Variants in COL4A1 observed in about 807,000 individuals in gnomAD.
COL4A1 encodes collagen type IV alpha 1 chain, also known as collagen alpha-1(IV) chain.
A neutral mutation model predicts 216.6 loss-of-function variants in COL4A1; 40 were observed. The observed-to-expected ratio is 0.18, with a 90% confidence interval of 0.14 to 0.24. The LOEUF (loss-of-function observed/expected upper bound fraction) is 0.24. COL4A1 is among the 10% of genes least tolerant of loss of function. The pLI is 1.00. For synonymous variants in COL4A1, 839 were observed against 810.7 expected (o/e 1.03, Z -0.59); for missense variants, 1,628 against 2,196.8 (o/e 0.74, Z 5.18).
intron 1 of COL4A1, among the ~76,000 whole-genome samples, chr13:110,264,016 C>T (rs1014159178): frequency 9.2e-5 from 14 of 152,198 alleles, no homozygotes; most frequent in East Asian, 5.8e-4. Flanking sequence ...CCTCATCCCT[C>T]GCACTGCTTG....
chr13:110,239,065 T>C (rs1881445949), intron 2 of COL4A1, among the ~76,000 whole-genome samples: 1 of 152,062 alleles, frequency 6.6e-6, no homozygotes, highest in African/African-American at 2.4e-5. Context: ...TGAGTGGCCT[T>C]CCAAGCAAGT....
At chr13:110,187,681 A>G (rs644582) in intron 24 of COL4A1, among the ~76,000 whole-genome samples, 102,379 of 151,974 alleles carry the variant, frequency 0.67, 34,579 homozygotes, top group Admixed American at 0.71. Context: ...CACCTGTCAG[A>G]AGGTTCTGAT....
At chr13:110,293,796 G>T (rs1045505853) in intron 1 of COL4A1, among the ~76,000 whole-genome samples, 1 of 152,134 alleles carries the variant, frequency 6.6e-6, no homozygotes, top group African/African-American at 2.4e-5. Context: ...TATTAACAGC[G>T]TGTCACTGTT....
chr13:110,170,808 T>C lies in COL4A1; in HGVS notation c.3557-76A>G, dbSNP rs1566347362. 4.6e-6 allele frequency: 7 copies of C among 1,521,824 alleles called. No individual in the cohort carries two copies. The Admixed American group carries it at 5.1e-5, about 11-fold the overall frequency. 94.3% of individuals were successfully genotyped at this position (1,521,824 alleles called of 1,614,324 possible). A position where few individuals can be genotyped will look rare whatever the true frequency, so the allele number is the denominator to read the frequency against. The stretch of plus-strand genomic sequence containing the variant: ...TAATCTCCAGCGTGGACGGCAGAGA[T>C]GGGATGAGGCGTGCCTCATCCTGTA... On this transcript the variant is annotated intron_variant, in intron 41 of 51. Coordinates refer to ENST00000375820, the MANE Select transcript of COL4A1 (RefSeq NM_001845.6).
chr13:110,166,731 G>A (rs770714060), intron 44 of COL4A1, among the ~76,000 whole-genome samples: 4 of 152,230 alleles, frequency 2.6e-5, no homozygotes, highest in Middle Eastern at 3.4e-3. Context: ...TTTTGGTCCC[G>A]ATCTGATTCA....
chr13:110,164,312 C>T (rs1401378935), intron 46 of COL4A1, among the ~76,000 whole-genome samples: 1 of 152,170 alleles, frequency 6.6e-6, no homozygotes, highest in Non-Finnish European at 1.5e-5. Flanking sequence ...TCTTAAGTAT[C>T]ATTAAATTTT....
At chr13:110,209,683 T>A in intron 10 of COL4A1, 1 of 647,604 alleles carries the variant, frequency 1.5e-6, no homozygotes. Flanking sequence ...ATCTTTGAAC[T>A]CACTCCCACA....
chr13:110,159,935 T>A (rs377240110), intron 49 of COL4A1, among the ~76,000 whole-genome samples: 1 of 149,218 alleles, frequency 6.7e-6, no homozygotes, highest in Non-Finnish European at 1.5e-5. Flanking sequence ...GAATGGGGGG[T>A]CACCAGAGGC....
At chr13:110,231,602 C>T (rs577472265) in intron 2 of COL4A1, among the ~76,000 whole-genome samples, 1 of 152,322 alleles carries the variant, frequency 6.6e-6, no homozygotes, top group African/African-American at 2.4e-5. Flanking sequence ...TGGCTAGCAT[C>T]TTCCATCATG....
Position 110,211,176 on chromosome 13 carries a change from C to A in COL4A1, c.468+471G>T, listed in dbSNP as rs1385570487. Among the ~76,000 whole-genome samples, 1 of 152,186 alleles carries A rather than the reference C, an allele frequency of 6.6e-6. No homozygotes were observed. Among genetic ancestry groups the A allele is most frequent in the Non-Finnish European group, 1.5e-5 (1 of 68,038 alleles). ...AGCCTCCCTTTGACAAGGCTGATCC[C>A]AACATCCAGATGCCCGAGGTCCCCG... On this transcript the variant is annotated intron_variant, in intron 8 of 51. Transcript: ENST00000375820. The surrounding 1 kb of genome is among the most constrained non-coding windows in gnomAD (Gnocchi z 4.3).
chr13:110,169,929 G>GAGGGAGGGAGGGAGGAAGGGAGGA (rs1555302273), intron 42 of COL4A1, among the ~76,000 whole-genome samples, 167 bp from the exon 43 acceptor site: 23 of 140,628 alleles, frequency 1.6e-4, no homozygotes, highest in Non-Finnish European at 7.7e-5. Flanking sequence ...AGGAAGGAAG[G>GAGGGAGGGAGGGAGGAAGGGAGGA]AGGGAGGGAG....
intron 18 of COL4A1, among the ~76,000 whole-genome samples, chr13:110,202,202 G>A (rs1879282231): frequency 7.0e-6 from 1 of 143,124 alleles, no homozygotes; most frequent in East Asian, 2.1e-4. Flanking sequence ...TAAACAGAAT[G>A]TTTTACTTTA....
intron 2 of COL4A1, among the ~76,000 whole-genome samples, chr13:110,226,750 T>C (rs927977041): frequency 1.3e-5 from 2 of 152,250 alleles, no homozygotes; most frequent in Non-Finnish European, 2.9e-5. Context: ...GTAAACACCA[T>C]TAATTCCTTT....
At chr13:110,208,948 T>A in intron 11 of COL4A1, 58 bp from the exon 12 acceptor site, 1 of 1,514,870 alleles carries the variant, frequency 6.6e-7, no homozygotes, top group Non-Finnish European at 9.2e-7. Flanking sequence ...TCAAAGTCAT[T>A]CTACAAACCT....
In COL4A1 at chr13:110,150,381, G is replaced by C. The variant is rs1594525525; in HGVS notation, c.4992C>G (p.Val1664=). The change falls in exon 52 of 52, where the codon GTC becomes GTG. Residue 1664 remains valine (V), a synonymous_variant. Coordinates refer to ENST00000375820, the MANE Select transcript of COL4A1 (RefSeq NM_001845.6). ...GGCTTCATTATGTTCTTCTCATACA[G>C]ACTTGGCAGCGGCTGACGTGCGTGC... ...ELRTHVSRCQ[V]CMRRT The C allele has an allele frequency of 6.2e-7, 1 of 1,614,062 alleles. No individual in the cohort carries two copies. Among genetic ancestry groups the C allele is most frequent in the East Asian group, 2.2e-5 (1 of 44,890 alleles).
intron 1 of COL4A1, among the ~76,000 whole-genome samples, chr13:110,256,113 T>G (rs1420279923): frequency 6.6e-6 from 1 of 152,038 alleles, no homozygotes; most frequent in Non-Finnish European, 1.5e-5. Flanking sequence ...CCTAACTGTT[T>G]TAAAATCTTG....
chr13:110,164,940 C>T lies in COL4A1; in HGVS notation c.4072G>A (p.Glu1358Lys), dbSNP rs747967785. The stretch of plus-strand genomic sequence containing the variant: ...CCCTCAGGACCAGGGAGCCCGGGCT[C>T]CCCTTTGATGATGTCGTAAGGACCT... Reference protein sequence around the residue: ...PPGPYDIIKGEPGLPGPEGPP... With the variant: ...PPGPYDIIKGKPGLPGPEGPP... The change falls in exon 46 of 52, where the codon GAG (glutamate) becomes AAG (lysine). Residue 1358 changes from glutamate (E) to lysine (K), a missense_variant. This residue lies in a region of COL4A1 where 345 missense variants were observed against 476.9 expected (regional missense o/e 0.72). Coordinates refer to ENST00000375820, the MANE Select transcript of COL4A1 (RefSeq NM_001845.6). 3.7e-6 allele frequency: 6 copies of T among 1,604,992 alleles called. No individual in the cohort carries two copies. In the South Asian group the frequency reaches 4.5e-5, roughly 12 times the overall value.
intron 1 of COL4A1, among the ~76,000 whole-genome samples, chr13:110,296,095 C>T (rs1884264350): frequency 1.3e-5 from 2 of 152,220 alleles, no homozygotes; most frequent in Admixed American, 1.3e-4. Context: ...AGGACCTTCC[C>T]ATAAATCGCT....
At chr13:110,158,421 G>A (rs1175489592) in intron 49 of COL4A1, among the ~76,000 whole-genome samples, 1 of 152,116 alleles carries the variant, frequency 6.6e-6, no homozygotes, top group African/African-American at 2.4e-5. Context: ...CCCCAAACAG[G>A]GCATGTTCAT....
Sources: allele counts gnomAD v4.1 joint callset (sites outside exome capture counted in the v4.1 genomes callset), GRCh38; gene constraint gnomAD v4.1.1; regional missense constraint gnomAD v4.1.1; non-coding constraint Gnocchi (gnomAD v3.1); transcripts MANE v1.5; gene names NCBI Gene and HGNC (gene_info 2026-07-23, HGNC 2026-07-21).